Variants in ACBD3 observed in about 807,000 individuals in gnomAD.
The protein encoded by ACBD3 is acyl-CoA binding domain containing 3.
A neutral mutation model predicts 66.9 loss-of-function variants in ACBD3; 30 were observed. The ratio of observed to expected loss-of-function variants is 0.45; its 90% CI spans 0.34 to 0.61. ACBD3 has a LOEUF of 0.61. Among genes scored for constraint, ACBD3 ranks in the 20% least tolerant of loss-of-function variants. The pLI, the probability that ACBD3 is intolerant of heterozygous loss-of-function variation, is 0.02. For missense variants in ACBD3, 544 were observed against 664.5 expected (o/e 0.82, Z 1.99); for synonymous variants, 278 against 259.8 (o/e 1.07, Z -0.68).
intron 5 of ACBD3, among the ~76,000 whole-genome samples, chr1:226,157,806 G>C (rs1486166472): frequency 1.3e-5 from 2 of 152,158 alleles, no homozygotes; most frequent in African/African-American, 4.8e-5. Flanking sequence ...GCTTCCCCAG[G>C]TGCTGGGATT....
chr1:226,153,796 T>G (rs983598671), intron 6 of ACBD3, among the ~76,000 whole-genome samples: 2 of 152,162 alleles, frequency 1.3e-5, no homozygotes, highest in African/African-American at 4.8e-5. Context: ...TCCAAGATGG[T>G]CCCCAGAGAT....
chr1:226,163,996 T>C (rs1240789948), intron 3 of ACBD3, among the ~76,000 whole-genome samples: 5 of 151,622 alleles, frequency 3.3e-5, no homozygotes, highest in Non-Finnish European at 7.4e-5. Context: ...GGCAGGCACC[T>C]GTAATCCCTC....
chr1:226,146,878 G>T, intron 7 of ACBD3, 57 bp from the exon 8 acceptor site: 1 of 1,473,640 alleles, frequency 6.8e-7, no homozygotes, highest in Non-Finnish European at 9.5e-7. Flanking sequence ...CTTGCATCAG[G>T]CAATTAAAAT....
chr1:226,146,945 G>A (rs1461009885), intron 7 of ACBD3, 124 bp from the exon 8 acceptor site: 1 of 913,368 alleles, frequency 1.1e-6, no homozygotes, highest in African/African-American at 1.6e-5. Flanking sequence ...AGGATGGAGT[G>A]CAGCGGCGTG....
At position 226,154,206 on chromosome 1, in the gene ACBD3, G is replaced by A. The variant is rs546262471; in HGVS notation, c.1090+441C>T. 2.0e-5 allele frequency among the ~76,000 whole-genome samples: 3 copies of A among 152,078 alleles called. No homozygotes were observed. The East Asian group carries it at 5.8e-4, about 29-fold the overall frequency. ...TGTTATTTCAAGCTACTAAATTTAG[G>A]TGTAATTAATTTTTGTTTGTTTTTT... On this transcript the variant is annotated intron_variant, in intron 6 of 7. Transcript: ENST00000366812.
At position 226,146,485 on chromosome 1, in the gene ACBD3, A is replaced by G. The variant is rs1243796995; in HGVS notation, c.*125T>C. 4 of 796,518 alleles carry G rather than the reference A, an allele frequency of 5.0e-6. No homozygotes were observed. The highest frequency in any genetic ancestry group is 7.8e-6 in the Non-Finnish European group (4 of 509,822). The allele number at this position is 796,518 out of a possible 1,614,324, so 49.3% of individuals were successfully genotyped here. A position where few individuals can be genotyped will look rare whatever the true frequency, so the allele number is the denominator to read the frequency against. The stretch of plus-strand genomic sequence containing the variant: ...ATTTTGATTCCCAGCAAGAGTTCAC[A>G]AACCATCAGACCAATATCAATAAGG... On this transcript the variant is annotated 3_prime_UTR_variant, in exon 8 of 8. Coordinates refer to ENST00000366812, the MANE Select transcript of ACBD3 (RefSeq NM_022735.4).
At chr1:226,161,779 T>C (rs1659780155) in intron 3 of ACBD3, 90 bp from the exon 4 acceptor site, 1 of 1,425,014 alleles carries the variant, frequency 7.0e-7, no homozygotes, top group African/African-American at 1.5e-5. Flanking sequence ...ACATGACCTT[T>C]TTAGAGAACA....
chr1:226,158,310 A>C (rs1659711534), intron 5 of ACBD3, among the ~76,000 whole-genome samples: 1 of 152,250 alleles, frequency 6.6e-6, no homozygotes, highest in African/African-American at 2.4e-5. Flanking sequence ...TAACTGCTTT[A>C]TAAGTGAAAA....
At chr1:226,155,617 G>A (rs1284764028) in intron 5 of ACBD3, among the ~76,000 whole-genome samples, 1 of 151,928 alleles carries the variant, frequency 6.6e-6, no homozygotes, top group Non-Finnish European at 1.5e-5. Context: ...AGCTATAATT[G>A]GCAAAATCTG....
At position 226,186,372 on chromosome 1, in the gene ACBD3, G is replaced by T; in HGVS notation, c.286+18C>A. On this transcript the variant is annotated intron_variant, in intron 1 of 7. Coordinates refer to ENST00000366812, the MANE Select transcript of ACBD3 (RefSeq NM_022735.4). ...GGGGCCGGGCAGAAGCGGCGGGGGT[G>T]GGGCTGGCCCGGCTCACCTTTGAAG... The T allele has an allele frequency of 6.6e-7, 1 of 1,506,052 alleles. No homozygotes were observed. The highest frequency in any genetic ancestry group is 8.9e-7 in the Non-Finnish European group (1 of 1,127,102). The allele number at this position is 1,506,052 out of a possible 1,614,324, so 93.3% of individuals were successfully genotyped here.
chr1:226,154,987 TAATG>T (rs1659645372), intron 5 of ACBD3, 154 bp from the exon 6 acceptor site: 1 of 466,386 alleles, frequency 2.1e-6, no homozygotes, highest in Non-Finnish European at 3.6e-6. Context: ...ATCCTGTCTA[TAATG>T]AATATTATTA....
chr1:226,177,079 G>T (rs887339267), intron 1 of ACBD3, among the ~76,000 whole-genome samples: 2 of 151,766 alleles, frequency 1.3e-5, no homozygotes, highest in African/African-American at 4.8e-5. Flanking sequence ...TTCCTGATAT[G>T]AGGAAAGTGC....
chr1:226,184,157 C>A (rs1379047023), intron 1 of ACBD3, among the ~76,000 whole-genome samples: 3 of 152,136 alleles, frequency 2.0e-5, no homozygotes. Context: ...GGCACCACTG[C>A]ACTCCAGCCT....
intron 1 of ACBD3, among the ~76,000 whole-genome samples, chr1:226,183,883 T>TAA (rs56294022): frequency 2.3e-3 from 164 of 72,706 alleles, no homozygotes; most frequent in African/African-American, 4.1e-3. Context: ...AAACTCTGCC[T>TAA]AAAAAAAAAA....
At position 226,154,837 on chromosome 1, in the gene ACBD3, C is replaced by T. The variant is rs1288076625; in HGVS notation, c.904-4G>A. On this transcript the variant is annotated splice_polypyrimidine_tract_variant and splice_region_variant and intron_variant, in intron 5 of 7. Coordinates refer to ENST00000366812, the MANE Select transcript of ACBD3 (RefSeq NM_022735.4). ...CCTGTTGTTTCTGTAATGCTGCCTA[C>T]AAACCAAGAGAAAGTGAAGACACAC... The T allele has an allele frequency of 7.5e-6, 12 of 1,597,338 alleles. No individual in the cohort carries two copies. The highest frequency in any genetic ancestry group is 9.4e-6 in the Non-Finnish European group (11 of 1,170,988).
chr1:226,173,069 C>T (rs946754824), intron 1 of ACBD3, among the ~76,000 whole-genome samples: 5 of 152,082 alleles, frequency 3.3e-5, no homozygotes, highest in Non-Finnish European at 5.9e-5. Flanking sequence ...AGTTTGAGAC[C>T]AGCCTGCGAA....
Position 226,173,139 on chromosome 1 carries a change from G to A in ACBD3, c.287-7139C>T, listed in dbSNP as rs77231636. The stretch of plus-strand genomic sequence containing the variant: ...AAACCAAAATTTAGCTGGGCATGGT[G>A]GCGTGTACCACAGTCCCAGCTACTA... On this transcript the variant is annotated intron_variant, in intron 1 of 7. Coordinates refer to ENST00000366812, the MANE Select transcript of ACBD3 (RefSeq NM_022735.4). Among the ~76,000 whole-genome samples, 595 of 152,170 alleles carry A rather than the reference G, an allele frequency of 3.9e-3. 1 individual carries two copies. The highest frequency in any genetic ancestry group is 6.2e-3 in the Non-Finnish European group (420 of 67,988).
At chr1:226,164,722 TACAAA>T (rs1659839162) in intron 3 of ACBD3, 62 bp downstream of exon 3, 3 of 1,485,838 alleles carry the variant, frequency 2.0e-6, no homozygotes, top group East Asian at 2.4e-5. Flanking sequence ...ACAGACACTC[TACAAA>T]ACAAAAGCAT....
chr1:226,163,683 GACCCC>G (rs1558127003), intron 3 of ACBD3, among the ~76,000 whole-genome samples: 1 of 152,156 alleles, frequency 6.6e-6, no homozygotes, highest in African/African-American at 2.4e-5. Flanking sequence ...CATATTAAAT[GACCCC>G]TGACTGCCAT....
Sources: allele counts gnomAD v4.1 joint callset (sites outside exome capture counted in the v4.1 genomes callset), GRCh38; gene constraint gnomAD v4.1.1; transcripts MANE v1.5; gene names NCBI Gene and HGNC (gene_info 2026-07-23, HGNC 2026-07-21).